The following SLC44A3 variants were observed in gnomAD, a reference collection of about 807,000 sequenced individuals.
The protein encoded by SLC44A3 is solute carrier family 44 member 3, also known as choline transporter-like protein 3.
SLC44A3 carries 74 observed loss-of-function variants against 75.4 expected under a neutral mutation model. That is an observed-to-expected ratio of 0.98 (90% CI 0.81 to 1.19). The LOEUF is 1.19. Among genes scored for constraint, SLC44A3 ranks in the 50% most tolerant of loss-of-function variants. The probability of loss-of-function intolerance (pLI) is 0.00; values close to 1 mark genes in which losing one functional copy is unlikely to be tolerated. For synonymous variants in SLC44A3, 310 were observed against 296.9 expected, an observed-to-expected ratio of 1.04 and a Z score of -0.45; for missense variants, 700 against 778.6, an observed-to-expected ratio of 0.90 and a Z score of 1.20.
At chr1:94,882,018 TA>T (rs148290831) in intron 12 of SLC44A3, among the ~76,000 whole-genome samples, 4 of 146,686 alleles carry the variant, frequency 2.7e-5, no homozygotes, top group South Asian at 2.2e-4. Flanking sequence ...AGACTCCATC[TA>T]AAAAAAAAAC....
intron 12 of SLC44A3, among the ~76,000 whole-genome samples, chr1:94,882,432 G>A (rs934796299): frequency 9.2e-5 from 14 of 152,242 alleles, no homozygotes; most frequent in Admixed American, 7.8e-4. Flanking sequence ...GGCATTCCCC[G>A]TCCTCCGTGT....
chr1:94,867,528 A>C, intron 12 of SLC44A3, 111 bp downstream of exon 12: 1 of 733,644 alleles, frequency 1.4e-6, no homozygotes, highest in Non-Finnish European at 2.1e-6. Context: ...TTGTGTAAAC[A>C]TTTTAGGCTT....
At chr1:94,885,682 G>A (rs373052174) in intron 12 of SLC44A3, among the ~76,000 whole-genome samples, 3 of 152,166 alleles carry the variant, frequency 2.0e-5, no homozygotes, top group Admixed American at 6.5e-5. Context: ...TATGACACGC[G>A]TGGAACCGGG....
intron 13 of SLC44A3, 138 bp downstream of exon 13, chr1:94,891,405 A>ATGGGATTGAGG: frequency 1.1e-6 from 1 of 932,172 alleles, no homozygotes; most frequent in Non-Finnish European, 1.6e-6. Flanking sequence ...TTTAATCCTC[A>ATGGGATTGAGG]ATCCCATGAG....
Position 94,866,396 on chromosome 1 carries a change from G to C in SLC44A3, c.1396-935G>C, listed in dbSNP as rs116171166. On this transcript the variant is annotated intron_variant, in intron 11 of 14. Transcript: ENST00000271227. ...TTTATCACTTCCCAGATCCCACAAG[G>C]ACCAAGGGCCAAAATTGCTTTTAGT... is the stretch of plus-strand genomic sequence containing the variant. 6.3e-3 allele frequency among the ~76,000 whole-genome samples: 965 copies of C among 152,196 alleles called. 7 individuals are homozygous for C. Among genetic ancestry groups the C allele is most frequent in the Non-Finnish European group, 8.9e-3 (607 of 68,014 alleles).
intron 12 of SLC44A3, among the ~76,000 whole-genome samples, chr1:94,882,492 C>A (rs1669112874): frequency 6.6e-6 from 1 of 152,162 alleles, no homozygotes; most frequent in Non-Finnish European, 1.5e-5. Flanking sequence ...GAAAGCCAGG[C>A]CTTGCTTCTG....
intron 9 of SLC44A3, among the ~76,000 whole-genome samples, chr1:94,848,028 A>G (rs1664654700): frequency 1.3e-5 from 2 of 152,158 alleles, no homozygotes; most frequent in African/African-American, 4.8e-5. Context: ...TGAGATCGAG[A>G]CCATCCTGGC....
intron 2 of SLC44A3, among the ~76,000 whole-genome samples, chr1:94,822,543 T>C (rs2100893322): frequency 7.7e-6 from 1 of 130,420 alleles, no homozygotes; most frequent in Admixed American, 8.0e-5. Context: ...GTGACAGATG[T>C]CCTGACTGGT....
chr1:94,825,543 A>G (rs1186050583), intron 3 of SLC44A3, among the ~76,000 whole-genome samples: 1 of 152,064 alleles, frequency 6.6e-6, no homozygotes, highest in African/African-American at 2.4e-5. Context: ...GTTAGCCAGG[A>G]TGGCCTCCAT....
chr1:94,821,642 C>A (rs1660601575), intron 2 of SLC44A3, among the ~76,000 whole-genome samples: 1 of 152,148 alleles, frequency 6.6e-6, no homozygotes, highest in Admixed American at 6.5e-5. Context: ...CTGTTGGAAG[C>A]CGAATCTTGC....
Position 94,853,372 on chromosome 1 carries a change from G to A in SLC44A3, c.1073-3963G>A, listed in dbSNP as rs564828009. On this transcript the variant is annotated intron_variant, in intron 9 of 14. Transcript: ENST00000271227. ...AAGAGTAAGTATAGACAATCTTGAG[G>A]AATTTCACTGTTAAAAGGAACAGAA... Among the ~76,000 whole-genome samples, 4 of 152,342 alleles carry A rather than the reference G, an allele frequency of 2.6e-5. No individual in the cohort carries two copies. In the South Asian group the frequency reaches 6.2e-4, roughly 24 times the overall value.
At chr1:94,826,693 A>C (rs938385659) in intron 3 of SLC44A3, among the ~76,000 whole-genome samples, 1 of 152,160 alleles carries the variant, frequency 6.6e-6, no homozygotes, top group Non-Finnish European at 1.5e-5. Context: ...TTTTAACACA[A>C]TTTTTAAACT....
intron 3 of SLC44A3, chr1:94,825,777 C>A (rs575672998): frequency 2.0e-5 from 9 of 454,812 alleles, no homozygotes; most frequent in Admixed American, 1.6e-4. Flanking sequence ...CCTAAGGGGG[C>A]TCTTGCTCTT....
chr1:94,852,090 C>A (rs1665287785), intron 9 of SLC44A3, among the ~76,000 whole-genome samples: 1 of 152,166 alleles, frequency 6.6e-6, no homozygotes, highest in Admixed American at 6.5e-5. Flanking sequence ...TATATCCATT[C>A]ATTCATTCAA....
chr1:94,868,375 T>C (rs1667396887), intron 12 of SLC44A3, among the ~76,000 whole-genome samples: 1 of 152,246 alleles, frequency 6.6e-6, no homozygotes, highest in Admixed American at 6.5e-5. Context: ...TTAAGGGGTA[T>C]TTAGAATACT....
chr1:94,821,134 C>T, intron 2 of SLC44A3, 78 bp downstream of exon 2: 1 of 983,568 alleles, frequency 1.0e-6, no homozygotes, highest in African/African-American at 1.6e-5. Flanking sequence ...AAATGTAAAT[C>T]GTAGTTGGTG....
intron 4 of SLC44A3, 108 bp from the exon 5 acceptor site, chr1:94,828,385 T>C (rs867273011): frequency 3.5e-6 from 3 of 847,316 alleles, no homozygotes; most frequent in South Asian, 3.5e-5. Context: ...CTGTCACCCA[T>C]AGACCTTGTA....
chr1:94,855,560 C>T (rs1240238124), intron 9 of SLC44A3: 1 of 152,204 alleles, frequency 6.6e-6, no homozygotes, highest in African/African-American at 2.4e-5. Flanking sequence ...TTTATCCATG[C>T]CTTACCCAAA....
At position 94,875,581 on chromosome 1, in the gene SLC44A3, A is replaced by T. The variant is rs12039267; in HGVS notation, c.1482+8164A>T. Among the ~76,000 whole-genome samples the T allele has an allele frequency of 3.6e-3, 553 of 152,204 alleles. 2 individuals are homozygous for T. The highest frequency in any genetic ancestry group is 0.022 in the East Asian group (114 of 5,162). Reference sequence around the variant, plus strand: ...ATGTCTACATGAGCTGCCCTGGGGTACCTTTTGGCAGAAATCTATGTAAAT... The same window carrying T: ...ATGTCTACATGAGCTGCCCTGGGGTTCCTTTTGGCAGAAATCTATGTAAAT... On this transcript the variant is annotated intron_variant, in intron 12 of 14. Transcript: ENST00000271227.
Sources: allele counts gnomAD v4.1 joint callset (sites outside exome capture counted in the v4.1 genomes callset), GRCh38; gene constraint gnomAD v4.1.1; transcripts MANE v1.5; gene names NCBI Gene and HGNC (gene_info 2026-07-23, HGNC 2026-07-21).